SUPT20H: variants seen among roughly 807,000 people sequenced by gnomAD.
SUPT20H encodes SPT20 homolog, SAGA complex component.
A neutral mutation model predicts 122.8 loss-of-function variants in SUPT20H; 82 were observed. The observed-to-expected ratio is 0.67, with a 90% CI of 0.56 to 0.80. The LOEUF is 0.80. Among genes scored for constraint, SUPT20H ranks in the 30% least tolerant of loss-of-function variants. The pLI is 0.00. For missense variants in SUPT20H, 831 were observed against 921.6 expected (o/e 0.90, Z 1.27); for synonymous variants, 291 against 313.0 (o/e 0.93, Z 0.74).
rs578110206 is a variant in SUPT20H at position 37,028,409 on chromosome 13, T to C, written c.994-104A>G. Reference sequence around the variant, plus strand: ...TGATACAGTAACATGTATCTGACGATAGGAAGACACACAGCACTTAGGCTA... The same window carrying C: ...TGATACAGTAACATGTATCTGACGACAGGAAGACACACAGCACTTAGGCTA... On this transcript the variant is annotated intron_variant, in intron 13 of 25. Transcript: ENST00000350612. The C allele has an allele frequency of 3.0e-5, 32 of 1,056,144 alleles. No homozygotes were observed. The East Asian group carries it at 4.9e-4, about 16-fold the overall frequency. 65.4% of individuals were successfully genotyped at this position (1,056,144 alleles called of 1,614,324 possible). A position where few individuals can be genotyped will look rare whatever the true frequency, so the allele number is the denominator to read the frequency against.
chr13:37,040,714 A>G, intron 7 of SUPT20H, 22 bp from the exon 8 acceptor site: 1 of 1,589,678 alleles, frequency 6.3e-7, no homozygotes, highest in Non-Finnish European at 8.6e-7. Flanking sequence ...AAAATACGTA[A>G]ACGTCATTTT....
Position 37,054,833 on chromosome 13 carries a change from G to C in SUPT20H, c.-93-3250C>G, listed in dbSNP as rs184026735. Among the ~76,000 whole-genome samples, 742 of 152,274 alleles carry C rather than the reference G, an allele frequency of 4.9e-3. 6 individuals are homozygous for C. The highest frequency in any genetic ancestry group is 0.016 in the African/African-American group (685 of 41,552). ...GAAAAGAGGAAGTCAAATTGTCCCT[G>C]TTTGCAGATGACATGATTGTATATC... On this transcript the variant is annotated intron_variant, in intron 1 of 25. Transcript: ENST00000350612.
intron 6 of SUPT20H, 55 bp downstream of exon 6, chr13:37,045,192 G>T: frequency 6.2e-7 from 1 of 1,601,034 alleles, no homozygotes; most frequent in Non-Finnish European, 8.5e-7. Context: ...TAAAAAAACC[G>T]CACATCCTGC....
intron 18 of SUPT20H, 23 bp downstream of exon 18, chr13:37,024,317 C>A: frequency 6.5e-7 from 1 of 1,547,932 alleles, no homozygotes; most frequent in Non-Finnish European, 8.7e-7. Flanking sequence ...TTCTAGACTG[C>A]AAAAAACTAA....
At chr13:37,046,089 C>T (rs2066363346) in intron 5 of SUPT20H, among the ~76,000 whole-genome samples, 2 of 151,896 alleles carry the variant, frequency 1.3e-5, no homozygotes, top group South Asian at 4.1e-4. Flanking sequence ...TCTCAAAAAT[C>T]AAAGTGTTTT....
Position 37,059,121 on chromosome 13 carries a change from A to C in SUPT20H, c.-94+438T>G, listed in dbSNP as rs572888885. 178 of 152,258 alleles carry C rather than the reference A, an allele frequency of 1.2e-3. 1 individual carries two copies. Among genetic ancestry groups the C allele is most frequent in the African/African-American group, 4.2e-3 (173 of 41,542 alleles). The allele number at this position is 152,258 out of a possible 1,614,324, so 9.4% of individuals were successfully genotyped here. A position where few individuals can be genotyped will look rare whatever the true frequency, so the allele number is the denominator to read the frequency against. ...GTTGCTATCAATTCTACGCGTTGCTATCAATTCTACTGATTTCCCTGATCG... is the reference window on the plus strand; with the variant it reads ...GTTGCTATCAATTCTACGCGTTGCTCTCAATTCTACTGATTTCCCTGATCG... On this transcript the variant is annotated intron_variant, in intron 1 of 25. Transcript: ENST00000350612.
intron 1 of SUPT20H, among the ~76,000 whole-genome samples, chr13:37,057,524 T>TA (rs35735192): frequency 0.049 from 5,332 of 108,352 alleles, 397 homozygotes; most frequent in African/African-American, 0.18. Flanking sequence ...GCCAAGCCAT[T>TA]AAAAAAAAAA....
chr13:37,012,293 G>A lies in SUPT20H; in HGVS notation c.1997C>T (p.Ser666Phe). 6.2e-7 allele frequency: 1 copy of A among 1,610,400 alleles called. No homozygotes were observed. Among genetic ancestry groups the A allele is most frequent in the South Asian group, 1.1e-5 (1 of 90,524 alleles). ...TTCTTGACTGGTTGAACCTTGCTCA[G>A]AACCCTGAATAAAAAAATAATAAAT... ...CSPQQPGEQG[S>F]EQGSTSQEQA... Residue 666 changes from serine to phenylalanine, a missense_variant, in exon 24 of 26, where the codon TCT (serine) becomes TTT (phenylalanine). Physicochemically the swap from Ser to Phe is radical, Grantham distance 155 (BLOSUM62 -2). Transcript: ENST00000350612.
chr13:37,053,342 C>T (rs927157431), intron 1 of SUPT20H, among the ~76,000 whole-genome samples: 1 of 150,102 alleles, frequency 6.7e-6, no homozygotes, highest in Non-Finnish European at 1.5e-5. Flanking sequence ...ACTATGCAGC[C>T]ATAAAAAAGA....
Position 37,024,143 on chromosome 13 carries a change from G to T in SUPT20H, c.1483C>A (p.Pro495Thr), listed in dbSNP as rs777573686. 1.2e-6 allele frequency: 2 copies of T among 1,613,746 alleles called. No homozygotes were observed. The highest frequency in any genetic ancestry group is 1.7e-6 in the Non-Finnish European group (2 of 1,179,786). The change falls in exon 19 of 26, where the codon CCT (proline) becomes ACT (threonine). Residue 495 changes from proline (P) to threonine (T), a missense_variant. Pro to Thr is a conservative substitution (Grantham distance 38). Coordinates refer to ENST00000350612, the MANE Select transcript of SUPT20H (RefSeq NM_001014286.3). ...QTSSFLKSPT[P>T]PPSSKPSSIP... is the part of the protein sequence containing the mutation. ...CTTGATGGCTTAGAAGAAGGAGGAG[G>T]AGTTGGAGATTTGAGAAAGCTGCTT... is the stretch of plus-strand genomic sequence containing the variant.
chr13:37,034,288 A>G (rs1267310570), intron 9 of SUPT20H, among the ~76,000 whole-genome samples: 4 of 152,226 alleles, frequency 2.6e-5, no homozygotes, highest in African/African-American at 9.7e-5. Flanking sequence ...ACAGTTAGCT[A>G]AGTGGTGAAT....
intron 22 of SUPT20H, among the ~76,000 whole-genome samples, chr13:37,018,868 C>A (rs575249793): frequency 2.6e-5 from 4 of 152,024 alleles, no homozygotes; most frequent in Non-Finnish European, 5.9e-5. Context: ...AGGCTGGTCT[C>A]GAACTCCTGA....
At chr13:37,010,481 C>CA in intron 25 of SUPT20H, 71 bp downstream of exon 25, 1 of 1,341,764 alleles carries the variant, frequency 7.5e-7, no homozygotes, top group Admixed American at 1.9e-5. Flanking sequence ...AAAACTAAAG[C>CA]AAGTTATTTT....
chr13:37,035,296 G>A (rs2064127652), intron 9 of SUPT20H, among the ~76,000 whole-genome samples: 2 of 152,200 alleles, frequency 1.3e-5, no homozygotes, highest in Non-Finnish European at 2.9e-5. Flanking sequence ...TGATTCATGG[G>A]AGGAGGTCAA....
intron 7 of SUPT20H, among the ~76,000 whole-genome samples, chr13:37,043,261 T>TGCTA (rs1226384711): frequency 6.6e-6 from 1 of 152,182 alleles, no homozygotes; most frequent in East Asian, 1.9e-4. Context: ...GAGGTAGGGA[T>TGCTA]GCTAGTCGAC....
chr13:37,040,232 C>T lies in SUPT20H; in HGVS notation c.567+173G>A, dbSNP rs2065230827. On this transcript the variant is annotated intron_variant, in intron 9 of 25. Coordinates refer to ENST00000350612, the MANE Select transcript of SUPT20H (RefSeq NM_001014286.3). ...TCTTAGGCAACTTGAGGGATTACTACACATATAAAGAGACCCTTAACTTCT... is the reference window on the plus strand; with the variant it reads ...TCTTAGGCAACTTGAGGGATTACTATACATATAAAGAGACCCTTAACTTCT... 5.5e-6 allele frequency: 3 copies of T among 543,176 alleles called. No individual in the cohort carries two copies. The African/African-American group carries it at 6.0e-5, about 11-fold the overall frequency. 33.6% of individuals were successfully genotyped at this position (543,176 alleles called of 1,614,324 possible).
At chr13:37,030,354 T>C (rs2063077270) in intron 12 of SUPT20H, among the ~76,000 whole-genome samples, 1 of 152,212 alleles carries the variant, frequency 6.6e-6, no homozygotes, top group Admixed American at 6.5e-5. Context: ...CCTAGGCATC[T>C]GTGTGAGTCA....
At chr13:37,025,054 G>T (rs959837898) in intron 17 of SUPT20H, 3 of 360,158 alleles carry the variant, frequency 8.3e-6, no homozygotes. Context: ...AGATTCTCCT[G>T]TCTCAGCCTC....
Position 37,028,283 on chromosome 13 carries a change from A to AATACATAATCATCTTTTAC in SUPT20H, c.997_1015dup (p.Phe339CysfsTer4). The AATACATAATCATCTTTTAC allele has an allele frequency of 6.2e-7, 1 of 1,610,792 alleles. No individual in the cohort carries two copies. On this transcript the variant is annotated stop_gained and frameshift_variant, in exon 14 of 26. Transcript: ENST00000350612. LOFTEE classifies it high-confidence loss of function. ...ATACTGAGTACCAGCTTCACATTCA[A>AATACATAATCATCTTTTAC]ATACATAATCATCTTTTACATCCTG... is the stretch of plus-strand genomic sequence containing the variant.
Sources: allele counts gnomAD v4.1 joint callset (sites outside exome capture counted in the v4.1 genomes callset), GRCh38; gene constraint gnomAD v4.1.1; transcripts MANE v1.5; gene names NCBI Gene and HGNC (gene_info 2026-07-23, HGNC 2026-07-21).